The following ZNF385D variants were observed in gnomAD, a reference collection of about 807,000 sequenced individuals.
ZNF385D encodes zinc finger protein 659.
A neutral mutation model predicts 35.8 loss-of-function variants in ZNF385D; 15 were observed. The observed-to-expected ratio is 0.42, with a 90% CI of 0.28 to 0.64. The LOEUF is 0.64. Among genes scored for constraint, ZNF385D ranks in the 30% least tolerant of loss-of-function variants. ZNF385D has a pLI of 0.23. For missense variants in ZNF385D, 474 were observed against 494.6 expected, an observed-to-expected ratio of 0.96 and a Z score of 0.39; for synonymous variants, 212 against 186.8, an observed-to-expected ratio of 1.13 and a Z score of -1.10.
intron 2 of ZNF385D, among the ~76,000 whole-genome samples, chr3:22,175,018 T>A (rs750130359): frequency 6.6e-6 from 1 of 151,956 alleles, no homozygotes; most frequent in Admixed American, 6.6e-5. Flanking sequence ...GAGTCTCTTA[T>A]AAAGAGTTCT....
chr3:21,743,311 C>G (rs565247695), intron 1 of ZNF385D, among the ~76,000 whole-genome samples: 4 of 152,270 alleles, frequency 2.6e-5, no homozygotes, highest in Admixed American at 1.3e-4. Context: ...ACAGCAAAAA[C>G]ATACAGTATA....
At chr3:22,153,948 CCT>C (rs1705424438) in intron 3 of ZNF385D, among the ~76,000 whole-genome samples, 1 of 152,160 alleles carries the variant, frequency 6.6e-6, no homozygotes, top group Non-Finnish European at 1.5e-5. Context: ...GCACTCTCTC[CCT>C]CTGTTAGTTC....
At chr3:22,290,190 C>G (rs1702229480) in intron 2 of ZNF385D, among the ~76,000 whole-genome samples, 1 of 152,116 alleles carries the variant, frequency 6.6e-6, no homozygotes, top group Non-Finnish European at 1.5e-5. Flanking sequence ...GAACCTTTGT[C>G]TCTTCACGGG....
At chr3:22,095,452 T>G (rs1002449738) in intron 3 of ZNF385D, among the ~76,000 whole-genome samples, 1 of 152,042 alleles carries the variant, frequency 6.6e-6, no homozygotes, top group Non-Finnish European at 1.5e-5. Context: ...TACCTAGTTT[T>G]ATTCTGGGAA....
intron 3 of ZNF385D, among the ~76,000 whole-genome samples, chr3:21,828,535 A>G (rs1694796895): frequency 6.6e-6 from 1 of 152,182 alleles, no homozygotes; most frequent in African/African-American, 2.4e-5. Flanking sequence ...ATGTCTTTCC[A>G]TAAGGACACT....
chr3:21,805,722 A>G (rs948967546), intron 3 of ZNF385D, among the ~76,000 whole-genome samples: 1 of 152,186 alleles, frequency 6.6e-6, no homozygotes, highest in African/African-American at 2.4e-5. Flanking sequence ...AACACTGACA[A>G]GACTGGATTT....
rs1700981748 is a variant in ZNF385D, at chr3:21,425,586, C to T, written c.758G>A (p.Gly253Glu). The change falls in exon 6 of 8, where the codon GGA (glycine) becomes GAA (glutamate). Residue 253 changes from glycine to glutamate, a missense_variant. Gly to Glu is a moderately conservative substitution (Grantham distance 98). Transcript: ENST00000281523. ...GCCTGTGTTTCCTTTATTAACAGGT[C>T]CTTTGCCTTTCACTCCTGCCCTAGG... ...AFPRAGVKGK[G>E]PVNKGNTGLQ... The T allele has an allele frequency of 6.2e-7, 1 of 1,609,826 alleles. No homozygotes were observed. The highest frequency in any genetic ancestry group is 8.5e-7 in the Non-Finnish European group (1 of 1,177,948).
At chr3:21,575,720 C>T in intron 2 of ZNF385D, among the ~76,000 whole-genome samples, 1 of 152,158 alleles carries the variant, frequency 6.6e-6, no homozygotes, top group East Asian at 1.9e-4. Context: ...CAACACTCCA[C>T]ACCATCTGAA....
At chr3:21,554,900 G>C (rs58813702) in intron 3 of ZNF385D, among the ~76,000 whole-genome samples, 6,089 of 152,216 alleles carry the variant, frequency 0.04, 416 homozygotes, top group African/African-American at 0.14. Flanking sequence ...CTCTGGATTA[G>C]GCTCTGATTT....
intron 3 of ZNF385D, among the ~76,000 whole-genome samples, chr3:21,776,234 C>T (rs1350341369): frequency 6.6e-6 from 1 of 151,840 alleles, no homozygotes; most frequent in East Asian, 1.9e-4. Context: ...CATCCTCCTC[C>T]ATTAGTTTTT....
chr3:21,692,457 T>C (rs1421234340), intron 1 of ZNF385D, among the ~76,000 whole-genome samples: 2 of 152,200 alleles, frequency 1.3e-5, no homozygotes, highest in Non-Finnish European at 2.9e-5. Flanking sequence ...CTCAAAATAA[T>C]TTGATTTCTC....
intron 3 of ZNF385D, among the ~76,000 whole-genome samples, chr3:21,866,070 C>G (rs1697335285): frequency 6.6e-6 from 1 of 151,552 alleles, no homozygotes; most frequent in Non-Finnish European, 1.5e-5. Context: ...TGTGTATGTA[C>G]AAATATACAT....
intron 2 of ZNF385D, among the ~76,000 whole-genome samples, chr3:22,283,358 A>T (rs1701865966): frequency 6.6e-6 from 1 of 152,150 alleles, no homozygotes; most frequent in Non-Finnish European, 1.5e-5. Context: ...AGAACATTCT[A>T]CCCAACAACT....
intron 2 of ZNF385D, among the ~76,000 whole-genome samples, chr3:22,212,181 G>T (rs769986057): frequency 6.6e-6 from 1 of 151,990 alleles, no homozygotes; most frequent in Non-Finnish European, 1.5e-5. Flanking sequence ...GCAAAGGACT[G>T]AGGAAGAGGG....
intron 3 of ZNF385D, among the ~76,000 whole-genome samples, chr3:21,797,345 T>C (rs1351860798): frequency 3.3e-5 from 5 of 152,166 alleles, no homozygotes; most frequent in African/African-American, 4.8e-5. Context: ...ACATGAAACA[T>C]TGGCTAGGAT....
chr3:22,294,557 G>T (rs1271439440), intron 2 of ZNF385D, among the ~76,000 whole-genome samples: 1 of 151,904 alleles, frequency 6.6e-6, no homozygotes, highest in African/African-American at 2.4e-5. Context: ...TGGATATATT[G>T]ATTTCATTTA....
intron 2 of ZNF385D, among the ~76,000 whole-genome samples, chr3:21,653,095 C>G (rs1451811407): frequency 1.3e-5 from 2 of 152,114 alleles, no homozygotes; most frequent in African/African-American, 4.8e-5. Context: ...CCTGCTTTCT[C>G]TTTCTCACTG....
chr3:21,954,231 A>G (rs1702187872), intron 3 of ZNF385D, among the ~76,000 whole-genome samples: 1 of 151,864 alleles, frequency 6.6e-6, no homozygotes, highest in Non-Finnish European at 1.5e-5. Context: ...TATAACAATG[A>G]CAACTTCAAT....
At chr3:21,737,466 T>TACAC (rs1553648227) in intron 1 of ZNF385D, among the ~76,000 whole-genome samples, 117 of 149,180 alleles carry the variant, frequency 7.8e-4, no homozygotes, top group South Asian at 5.3e-3. Context: ...GGGATATATA[T>TACAC]ACACACACAC....
Sources: allele counts gnomAD v4.1 joint callset (sites outside exome capture counted in the v4.1 genomes callset), GRCh38; gene constraint gnomAD v4.1.1; transcripts MANE v1.5; gene names NCBI Gene and HGNC (gene_info 2026-07-23, HGNC 2026-07-21).